The following DGKE variants were observed in gnomAD, a reference collection of about 807,000 sequenced individuals.
The protein encoded by DGKE is diacylglycerol kinase epsilon, also known as DAG kinase epsilon.
DGKE carries 53 observed loss-of-function variants against 70.0 expected under a neutral mutation model. That is an observed-to-expected ratio of 0.76 (90% CI 0.61 to 0.95). The LOEUF (loss-of-function observed/expected upper bound fraction) is 0.95, where lower values mean the gene tolerates loss of function less well. DGKE is among the 40% of genes least tolerant of loss of function. DGKE has a pLI of 0.00. For missense variants in DGKE, 655 were observed against 706.9 expected (o/e 0.93, Z 0.83); for synonymous variants, 291 against 257.0 (o/e 1.13, Z -1.27).
chr17:56,839,043 G>C (rs1255484216), intron 2 of DGKE, among the ~76,000 whole-genome samples: 2 of 152,106 alleles, frequency 1.3e-5, no homozygotes, highest in Non-Finnish European at 1.5e-5. Context: ...GTAGGTGGTA[G>C]GCATACCTGT....
intron 6 of DGKE, 59 bp downstream of exon 6, chr17:56,848,912 A>C (rs1345082971): frequency 9.3e-6 from 15 of 1,605,526 alleles, no homozygotes; most frequent in African/African-American, 1.3e-5. Context: ...TTGGTTAACA[A>C]GTGAAGACTT....
rs1206576127 is a variant in DGKE, at chr17:56,863,283, A to G, written c.*492A>G. On this transcript the variant is annotated 3_prime_UTR_variant, in exon 12 of 12. Coordinates refer to ENST00000284061, the MANE Select transcript of DGKE (RefSeq NM_003647.3). ...TGCAGCATGCCCCTTAAGATTTTCT[A>G]CAACCCAAACCAAGTGTATGTATTG... 6.6e-6 allele frequency: 1 copy of G among 152,308 alleles called. No individual in the cohort carries two copies. Among genetic ancestry groups the G allele is most frequent in the Non-Finnish European group, 1.5e-5 (1 of 68,082 alleles). The allele number at this position is 152,308 out of a possible 1,614,324, so 9.4% of individuals were successfully genotyped here.
chr17:56,861,783 C>G lies in DGKE; in HGVS notation c.1285-8C>G. ...CTGTAGTCACTATCTATTTGTATTT[C>G]TTTAAAGCTAGAACTGGATGGTGAG... On this transcript the variant is annotated splice_region_variant and splice_polypyrimidine_tract_variant and intron_variant, in intron 9 of 11. Coordinates refer to ENST00000284061, the MANE Select transcript of DGKE (RefSeq NM_003647.3). The G allele has an allele frequency of 6.2e-7, 1 of 1,611,058 alleles. No individual in the cohort carries two copies. The highest frequency in any genetic ancestry group is 8.5e-7 in the Non-Finnish European group (1 of 1,179,278).
At position 56,848,594 on chromosome 17, in the gene DGKE, T is replaced by C. The variant is rs986961113; in HGVS notation, c.889-102T>C. 23 of 1,167,136 alleles carry C rather than the reference T, an allele frequency of 2.0e-5. No individual in the cohort carries two copies. In the Middle Eastern group the frequency reaches 6.2e-4, roughly 31 times the overall value. The allele number at this position is 1,167,136 out of a possible 1,614,324, so 72.3% of individuals were successfully genotyped here. On this transcript the variant is annotated intron_variant, in intron 5 of 11. Coordinates refer to ENST00000284061, the MANE Select transcript of DGKE (RefSeq NM_003647.3). ...TTAGCAAAACAACATACAGTTGTTA[T>C]ATTTGTATCCTTACTGTTTTGGTCT...
intron 7 of DGKE, among the ~76,000 whole-genome samples, chr17:56,855,557 G>A (rs761747207): frequency 1.3e-5 from 2 of 152,190 alleles, no homozygotes; most frequent in African/African-American, 4.8e-5. Flanking sequence ...TACAGGAAAG[G>A]AGTCATCTAA....
At position 56,862,189 on chromosome 17, in the gene DGKE, T is replaced by G; in HGVS notation, c.1462T>G (p.Cys488Gly). 1 of 1,614,218 alleles carries G rather than the reference T, an allele frequency of 6.2e-7. No individual in the cohort carries two copies. Among genetic ancestry groups the G allele is most frequent in the Non-Finnish European group, 8.5e-7 (1 of 1,180,038 alleles). ...EVVGVYGSFH[C>G]AQIQVKLANP... ...CGTTGGAGTATATGGGTCTTTCCAC[T>G]GTGCTCAGATTCAAGTAAAACTGGC... is the stretch of plus-strand genomic sequence containing the variant. Residue 488 changes from cysteine (C) to glycine (G), a missense_variant, in exon 11 of 12, where the codon TGT becomes GGT. By Grantham distance (159) the Cys-to-Gly change is radical. Transcript: ENST00000284061.
chr17:56,845,563 A>G, intron 3 of DGKE, 127 bp from the exon 4 acceptor site: 1 of 940,854 alleles, frequency 1.1e-6, no homozygotes, highest in Non-Finnish European at 1.5e-6. Context: ...TGATTTTTAT[A>G]TTGAATTGAG....
chr17:56,848,414 T>G (rs1907442204), intron 5 of DGKE, among the ~76,000 whole-genome samples: 1 of 152,162 alleles, frequency 6.6e-6, no homozygotes, highest in African/African-American at 2.4e-5. Flanking sequence ...CACCTTGGCC[T>G]CCCAAAGTGC....
At chr17:56,858,084 A>AG (rs1406298599) in intron 8 of DGKE, among the ~76,000 whole-genome samples, 46 of 151,066 alleles carry the variant, frequency 3.0e-4, no homozygotes, top group Non-Finnish European at 4.9e-4. Context: ...AAAAAAAAAA[A>AG]AAAAAGAAAA....
chr17:56,847,400 T>G lies in DGKE; in HGVS notation c.745-522T>G, dbSNP rs190054360. On this transcript the variant is annotated intron_variant, in intron 4 of 11. Coordinates refer to ENST00000284061, the MANE Select transcript of DGKE (RefSeq NM_003647.3). ...CCGAAGCTGGAGTGCAGGGGCATGA[T>G]CTTGGCTCACTGTAACCTCTGCCTC... 5.0e-3 allele frequency: 758 copies of G among 150,368 alleles called. 4 individuals carry two copies. Among genetic ancestry groups the G allele is most frequent in the Non-Finnish European group, 7.4e-3 (503 of 67,926 alleles). 9.3% of individuals were successfully genotyped at this position (150,368 alleles called of 1,614,324 possible).
chr17:56,861,018 T>C (rs1217253043), intron 9 of DGKE, among the ~76,000 whole-genome samples: 1 of 152,210 alleles, frequency 6.6e-6, no homozygotes, highest in Non-Finnish European at 1.5e-5. Flanking sequence ...CCAACCGCTC[T>C]GTGAGGGATG....
chr17:56,856,486 T>C, intron 7 of DGKE, 26 bp from the exon 8 acceptor site: 1 of 1,601,590 alleles, frequency 6.2e-7, no homozygotes, highest in Non-Finnish European at 8.5e-7. Flanking sequence ...CCATAGTCTG[T>C]TGCTTATTCT....
Position 56,856,522 on chromosome 17 carries a change from T to A in DGKE, c.1109T>A (p.Met370Lys). Residue 370 changes from methionine (M) to lysine (K), a missense_variant, in exon 8 of 12, where the codon ATG (methionine) becomes AAG (lysine). By Grantham distance (95) the Met-to-Lys change is moderately conservative. Coordinates refer to ENST00000284061, the MANE Select transcript of DGKE (RefSeq NM_003647.3). Reference sequence around the variant, plus strand: ...TACCCTTTCTCACAGGAATTCACAATGAACAACTATTTTTCTGTTGGACCT... The same window carrying A: ...TACCCTTTCTCACAGGAATTCACAAAGAACAACTATTTTTCTGTTGGACCT... ...YNLRKPKEFT[M>K]NNYFSVGPDA... The A allele has an allele frequency of 1.9e-6, 3 of 1,613,024 alleles. No homozygotes were observed. The highest frequency in any genetic ancestry group is 2.5e-6 in the Non-Finnish European group (3 of 1,179,632).
At chr17:56,858,526 C>G (rs1291980141) in intron 8 of DGKE, 68 bp from the exon 9 acceptor site, 1 of 1,275,350 alleles carries the variant, frequency 7.8e-7, no homozygotes, top group African/African-American at 1.5e-5. Context: ...TTTGATACAG[C>G]GTATTTTTTC....
intron 7 of DGKE, among the ~76,000 whole-genome samples, chr17:56,855,930 C>T (rs1258123507): frequency 2.7e-5 from 4 of 147,530 alleles, no homozygotes; most frequent in East Asian, 2.0e-4. Context: ...TGCTTGAACC[C>T]GGGAGGCAGA....
At position 56,845,948 on chromosome 17, in the gene DGKE, G is replaced by T. The variant is rs1907260555; in HGVS notation, c.744+139G>T. On this transcript the variant is annotated intron_variant, in intron 4 of 11. Coordinates refer to ENST00000284061, the MANE Select transcript of DGKE (RefSeq NM_003647.3). ...AAAAGATCAGCCATTTAAATATGTG[G>T]ATAAACAGGCACTCTTGTGGGAATA... 4.7e-6 allele frequency: 4 copies of T among 854,290 alleles called. No homozygotes were observed. In the South Asian group the frequency reaches 1.2e-4, roughly 26 times the overall value. 52.9% of individuals were successfully genotyped at this position (854,290 alleles called of 1,614,324 possible). A position where few individuals can be genotyped will look rare whatever the true frequency, so the allele number is the denominator to read the frequency against.
intron 2 of DGKE, chr17:56,836,181 A>G (rs569147466): frequency 2.4e-4 from 35 of 145,292 alleles, no homozygotes; most frequent in African/African-American, 8.7e-4. Flanking sequence ...TGAAATAGGC[A>G]GTAAATAGGA....
intron 7 of DGKE, among the ~76,000 whole-genome samples, chr17:56,854,779 A>G (rs2144266956): frequency 6.6e-6 from 1 of 152,354 alleles, no homozygotes; most frequent in South Asian, 2.1e-4. Context: ...ATCAGAGATC[A>G]TTCCTCCAAA....
chr17:56,834,693 G>C, intron 1 of DGKE, 85 bp from the exon 2 acceptor site: 1 of 1,288,400 alleles, frequency 7.8e-7, no homozygotes, highest in Non-Finnish European at 1.1e-6. Flanking sequence ...CACTGAGGGC[G>C]CCCGGTTTGG....
Sources: gnomAD v4.1 joint callset for allele counts (sites outside exome capture counted in the v4.1 genomes callset) on GRCh38, gnomAD v4.1.1 for gene constraint, MANE v1.5 for transcripts, NCBI Gene and HGNC (gene_info 2026-07-23, HGNC 2026-07-21) for gene names.